QRFPR: variants seen among roughly 807,000 people sequenced by gnomAD.
QRFPR encodes pyroglutamylated RF-amide peptide receptor.
A neutral mutation model predicts 31.3 loss-of-function variants in QRFPR; 37 were observed. The observed-to-expected ratio is 1.18, with a 90% confidence interval of 0.91 to 1.56. The LOEUF (loss-of-function observed/expected upper bound fraction) is 1.56, where lower values mean the gene tolerates loss of function less well. QRFPR is among the 40% of genes most tolerant of loss of function. The pLI is 0.00. For synonymous variants in QRFPR, 197 were observed against 192.0 expected (o/e 1.03, Z -0.22); for missense variants, 542 against 532.5 (o/e 1.02, Z -0.18).
Position 121,369,705 on chromosome 4 carries a change from T to C in QRFPR, c.340+10603A>G, listed in dbSNP as rs894363312. ...CACTTATCTGACAAGTTTCTGTCCTTATCCCCACTTCCAGAGTCCATGGTG... is the reference window on the plus strand; with the variant it reads ...CACTTATCTGACAAGTTTCTGTCCTCATCCCCACTTCCAGAGTCCATGGTG... On this transcript the variant is annotated intron_variant, in intron 1 of 5. Coordinates refer to ENST00000394427, the MANE Select transcript of QRFPR (RefSeq NM_198179.3). The C allele has an allele frequency of 5.0e-6, 8 of 1,586,938 alleles. No individual in the cohort carries two copies. In the African/African-American group the frequency reaches 1.1e-4, roughly 21 times the overall value.
chr4:121,329,602 A>G lies in QRFPR; in HGVS notation c.1008T>C (p.Asn336=), dbSNP rs150093035. 44 of 1,613,506 alleles carry G rather than the reference A, an allele frequency of 2.7e-5. No homozygotes were observed. The highest frequency in any genetic ancestry group is 1.7e-4 in the Middle Eastern group (1 of 6,058). Residue 336 remains asparagine (N), a synonymous_variant, in exon 6 of 6, where the codon AAT becomes AAC. Transcript: ENST00000394427. ...ACAAAACATTTTTTTTGAAGTTTTC[A>G]TTCATAAATGCATAGACAATGGGAT... ...ICNPIVYAFM[N]ENFKKNVLSA... is the part of the protein sequence containing the mutation.
At chr4:121,342,707 T>TG (rs1725565177) in intron 1 of QRFPR, among the ~76,000 whole-genome samples, 1 of 139,422 alleles carries the variant, frequency 7.2e-6, no homozygotes, top group Non-Finnish European at 1.7e-5. Context: ...AATTTTTGTC[T>TG]ATTTTTTTCG....
In QRFPR at chr4:121,340,372, T is replaced by C. The variant is rs559998958; in HGVS notation, c.499+80A>G. 8.3e-5 allele frequency: 122 copies of C among 1,465,852 alleles called. No homozygotes were observed. In the African/African-American group the frequency reaches 1.2e-3, roughly 14 times the overall value. The allele number at this position is 1,465,852 out of a possible 1,614,324, so 90.8% of individuals were successfully genotyped here. A position where few individuals can be genotyped will look rare whatever the true frequency, so the allele number is the denominator to read the frequency against. ...CTACAAGTTAGATAAGAAGCTACTC[T>C]TCTAGTTTAAAAATATGGTTCTCTA... On this transcript the variant is annotated intron_variant, in intron 2 of 5. Transcript: ENST00000394427.
intron 1 of QRFPR, among the ~76,000 whole-genome samples, chr4:121,365,499 TA>T (rs1560743339): frequency 0.035 from 56 of 1,594 alleles, 5 homozygotes; most frequent in Non-Finnish European, 0.047. Context: ...ATTATATATA[TA>T]ATATATATAA....
At chr4:121,329,758 G>T in intron 5 of QRFPR, 44 bp from the exon 6 acceptor site, 1 of 1,299,334 alleles carries the variant, frequency 7.7e-7, no homozygotes, top group Non-Finnish European at 1.0e-6. Flanking sequence ...ATTTTAAGGA[G>T]TATAAAATAA....
At chr4:121,341,147 G>A (rs1579572723) in intron 1 of QRFPR, among the ~76,000 whole-genome samples, 1 of 152,314 alleles carries the variant, frequency 6.6e-6, no homozygotes, top group Admixed American at 6.5e-5. Context: ...GTCTCAAAGT[G>A]GTGGCCACTA....
chr4:121,366,583 C>T (rs1579588147), intron 1 of QRFPR, among the ~76,000 whole-genome samples: 1 of 149,716 alleles, frequency 6.7e-6, no homozygotes, highest in Admixed American at 6.7e-5. Flanking sequence ...CTGAGGTCAC[C>T]AGTTAAAACA....
At chr4:121,330,858 A>G (rs1310360857) in intron 4 of QRFPR, among the ~76,000 whole-genome samples, 1 of 152,196 alleles carries the variant, frequency 6.6e-6, no homozygotes, top group Non-Finnish European at 1.5e-5. Flanking sequence ...TGGCTAGTAA[A>G]GGCTGTATCT....
Position 121,332,912 on chromosome 4 carries a change from T to G in QRFPR, c.706A>C (p.Lys236Gln). ...PLMVMLILYS[K>Q]IGYELWIKKR... The stretch of plus-strand genomic sequence containing the variant: ...TTTATCCAAAGTTCATAACCAATTT[T>G]ACTGTACAGAATAAGCATCACCATA... Residue 236 changes from lysine (K) to glutamine (Q), a missense_variant, in exon 4 of 6, where the codon AAA becomes CAA. Transcript: ENST00000394427. 6.2e-7 allele frequency: 1 copy of G among 1,614,136 alleles called. No individual in the cohort carries two copies. Among genetic ancestry groups the G allele is most frequent in the Non-Finnish European group, 8.5e-7 (1 of 1,179,986 alleles).
Position 121,329,336 on chromosome 4 carries a change from G to A in QRFPR, c.1274C>T (p.Ser425Phe). Residue 425 changes from serine (S) to phenylalanine (F), a missense_variant, in exon 6 of 6, where the codon TCT (serine) becomes TTT (phenylalanine). Coordinates refer to ENST00000394427, the MANE Select transcript of QRFPR (RefSeq NM_198179.3). The stretch of plus-strand genomic sequence containing the variant: ...TAATTAATGCCCACTGTCTAAAGGA[G>A]AATTCTCAGCCAGTTCAGACCTAAA... The part of the protein sequence containing the change: ...ALFRSELAEN[S>F]PLDSGH 2 of 1,613,036 alleles carry A rather than the reference G, an allele frequency of 1.2e-6. No individual in the cohort carries two copies. The highest frequency in any genetic ancestry group is 1.7e-6 in the Non-Finnish European group (2 of 1,179,558).
chr4:121,375,406 G>C (rs942396288), intron 1 of QRFPR, among the ~76,000 whole-genome samples: 4 of 152,100 alleles, frequency 2.6e-5, no homozygotes, highest in Non-Finnish European at 4.4e-5. Context: ...ATGGAAACTT[G>C]GCTTTTCCAC....
At chr4:121,331,268 T>C (rs1230077742) in intron 4 of QRFPR, among the ~76,000 whole-genome samples, 1 of 131,644 alleles carries the variant, frequency 7.6e-6, no homozygotes, top group Non-Finnish European at 1.6e-5. Flanking sequence ...CACTGAAGCC[T>C]CAACCTGGGC....
At chr4:121,334,476 T>G (rs1212342600) in intron 3 of QRFPR, 1 of 173,976 alleles carries the variant, frequency 5.7e-6, no homozygotes, top group Non-Finnish European at 1.3e-5. Context: ...CTCTCACCCA[T>G]AATGAATCTT....
At chr4:121,350,892 AT>A (rs1393895497) in intron 1 of QRFPR, among the ~76,000 whole-genome samples, 1 of 152,224 alleles carries the variant, frequency 6.6e-6, no homozygotes, top group East Asian at 1.9e-4. Flanking sequence ...GTTTTTATGT[AT>A]AAAAATACTA....
At chr4:121,333,140 AT>A in intron 3 of QRFPR, 84 bp from the exon 4 acceptor site, 1 of 825,208 alleles carries the variant, frequency 1.2e-6, no homozygotes, top group Non-Finnish European at 1.9e-6. Context: ...GCAACACAAC[AT>A]TTTTTAAGTT....
intron 3 of QRFPR, 25 bp from the exon 4 acceptor site, chr4:121,333,081 A>G: frequency 6.7e-7 from 1 of 1,492,090 alleles, no homozygotes; most frequent in Non-Finnish European, 9.3e-7. Flanking sequence ...TAATTCATTA[A>G]AAGAACCAGT....
chr4:121,378,657 T>G (rs967536165), intron 1 of QRFPR, among the ~76,000 whole-genome samples: 8 of 152,080 alleles, frequency 5.3e-5, no homozygotes, highest in African/African-American at 1.9e-4. Flanking sequence ...TCTCATGACC[T>G]CGTGATCCGC....
chr4:121,352,586 T>C (rs1286642946), intron 1 of QRFPR, among the ~76,000 whole-genome samples: 1 of 152,106 alleles, frequency 6.6e-6, no homozygotes, highest in South Asian at 2.1e-4. Context: ...TTATTTTTAA[T>C]TATAATGAAT....
intron 4 of QRFPR, among the ~76,000 whole-genome samples, chr4:121,332,043 G>A (rs59286668): frequency 0.024 from 3,591 of 152,186 alleles, 78 homozygotes; most frequent in East Asian, 0.11. Context: ...GGACAGTCTA[G>A]GAGCCCCTGT....
Sources: allele counts gnomAD v4.1 joint callset (sites outside exome capture counted in the v4.1 genomes callset), GRCh38; gene constraint gnomAD v4.1.1; transcripts MANE v1.5; gene names NCBI Gene and HGNC (gene_info 2026-07-23, HGNC 2026-07-21).